The following BEND2 variants were observed in gnomAD, a reference collection of about 807,000 sequenced individuals.
BEND2 encodes BEN domain containing 2, also known as BEN domain-containing protein 2.
A neutral mutation model predicts 43.8 loss-of-function variants in BEND2; 19 were observed. The ratio of observed to expected loss-of-function variants is 0.43; its 90% CI spans 0.30 to 0.64. BEND2 has a LOEUF of 0.64. Ranked by LOEUF, BEND2 falls within the 30% of genes least tolerant of loss-of-function variation. The pLI, the probability that BEND2 is intolerant of heterozygous loss-of-function variation, is 0.11. For missense variants in BEND2, 544 were observed against 574.0 expected, an observed-to-expected ratio of 0.95 and a Z score of 0.53; for synonymous variants, 226 against 210.1, an observed-to-expected ratio of 1.08 and a Z score of -0.66.
chrX:18,214,269 T>C (rs1157190799), intron 2 of BEND2, among the ~76,000 whole-genome samples: 1 of 110,732 alleles, frequency 9.0e-6, no homozygotes, highest in Non-Finnish European at 1.9e-5. Context: ...AAATGCCAGA[T>C]ATAAAAGAGA....
At chrX:18,168,066 G>A (rs983184222) in intron 13 of BEND2, among the ~76,000 whole-genome samples, 2 of 112,431 alleles carry the variant, frequency 1.8e-5, no homozygotes, top group African/African-American at 6.5e-5. Flanking sequence ...GGCTTAAGAG[G>A]GAAAAGGTTG....
chrX:18,203,577 A>G lies in BEND2; in HGVS notation c.831T>C (p.Asn277=). Residue 277 remains asparagine, a synonymous_variant, in exon 5 of 14, where the codon AAT becomes AAC. Transcript: ENST00000380033. ...SSLANNPGVV[N]YSALPENENV... Reference sequence around the variant, plus strand: ...TTTCATTTTCTGGTAGAGCAGAGTAATTCACCACACCAGGGTTATTTGCCA... The same window carrying G: ...TTTCATTTTCTGGTAGAGCAGAGTAGTTCACCACACCAGGGTTATTTGCCA... 8.3e-7 allele frequency: 1 copy of G among 1,210,901 alleles called. No individual in the cohort carries two copies. Among genetic ancestry groups the G allele is most frequent in the East Asian group, 3.0e-5 (1 of 33,850 alleles).
chrX:18,201,984 C>T (rs912987570), intron 5 of BEND2, 44 bp from the exon 6 acceptor site: 10 of 1,141,539 alleles, frequency 8.8e-6, no homozygotes, highest in Non-Finnish European at 1.2e-5. Flanking sequence ...AAGAACTTCA[C>T]CCACAAATTC....
intron 4 of BEND2, among the ~76,000 whole-genome samples, chrX:18,204,541 A>C (rs1925270551): frequency 8.9e-6 from 1 of 112,485 alleles, no homozygotes; most frequent in Non-Finnish European, 1.9e-5. Context: ...TATTTAAAAA[A>C]TAGTAGCTCA....
At chrX:18,201,574 C>G (rs893963208) in intron 6 of BEND2, among the ~76,000 whole-genome samples, 1 of 108,046 alleles carries the variant, frequency 9.3e-6, no homozygotes, top group African/African-American at 3.4e-5. Flanking sequence ...CTCACTGCAA[C>G]CTCTGCCTCT....
At chrX:18,202,959 C>T (rs1241597943) in intron 5 of BEND2, among the ~76,000 whole-genome samples, 1 of 111,731 alleles carries the variant, frequency 9.0e-6, no homozygotes, top group Non-Finnish European at 1.9e-5. Flanking sequence ...AAAGGAACTA[C>T]TGAAACACAC....
chrX:18,169,829 T>C (rs928146223), intron 13 of BEND2, among the ~76,000 whole-genome samples: 7 of 112,232 alleles, frequency 6.2e-5, no homozygotes, highest in African/African-American at 1.9e-4. Context: ...GCAAAAGACA[T>C]CTTCCAGATT....
chrX:18,214,528 A>C (rs946099494), intron 2 of BEND2, among the ~76,000 whole-genome samples: 3 of 111,129 alleles, frequency 2.7e-5, no homozygotes, highest in Non-Finnish European at 5.7e-5. Context: ...GACTTCCATA[A>C]AAAGTTCACC....
At chrX:18,202,154 G>A (rs12689195) in intron 5 of BEND2, among the ~76,000 whole-genome samples, 17,601 of 111,220 alleles carry the variant, frequency 0.16, 1,087 homozygotes, top group East Asian at 0.34. Flanking sequence ...GAATCTTGGA[G>A]CATCAGGAAG....
intron 12 of BEND2, 30 bp downstream of exon 12, chrX:18,174,000 A>T: frequency 8.8e-7 from 1 of 1,130,464 alleles, no homozygotes; most frequent in Non-Finnish European, 1.2e-6. Context: ...AAGAGAACTT[A>T]TTTAAATATA....
At chrX:18,190,675 C>T (rs1924735809) in intron 8 of BEND2, among the ~76,000 whole-genome samples, 1 of 109,512 alleles carries the variant, frequency 9.1e-6, no homozygotes, top group South Asian at 4.0e-4. Context: ...TGTATCATGA[C>T]TAGATACAGT....
In BEND2 at chrX:18,164,626, A is replaced by T. The variant is rs1023241643; in HGVS notation, c.*383T>A. Reference sequence around the variant, plus strand: ...TATCTCACAAGTCACAAAAATAAAAAGACTTGTCAAGTTTTATACGAATTA... The same window carrying T: ...TATCTCACAAGTCACAAAAATAAAATGACTTGTCAAGTTTTATACGAATTA... On this transcript the variant is annotated 3_prime_UTR_variant, in exon 14 of 14. Transcript: ENST00000380033. The T allele has an allele frequency of 1.6e-5, 2 of 124,130 alleles. No homozygotes were observed. Among genetic ancestry groups the T allele is most frequent in the African/African-American group, 3.2e-5 (1 of 31,348 alleles). 10.2% of individuals were successfully genotyped at this position (124,130 alleles called of 1,213,427 possible). A position where few individuals can be genotyped will look rare whatever the true frequency, so the allele number is the denominator to read the frequency against.
At position 18,213,392 on chromosome X, in the gene BEND2, A is replaced by T. The variant is rs879179226; in HGVS notation, c.376+382T>A. Among the ~76,000 whole-genome samples, 3 of 111,460 alleles carry T rather than the reference A, an allele frequency of 2.7e-5. No homozygotes were observed. The Admixed American group carries it at 2.9e-4, about 11-fold the overall frequency. ...TCACAGTTACTGGGAGTGACACTTT[A>T]ATGAAAGAGCTACTTCACTTAAACC... On this transcript the variant is annotated intron_variant, in intron 3 of 13. Transcript: ENST00000380033.
chrX:18,168,682 G>C (rs1923884576), intron 13 of BEND2, among the ~76,000 whole-genome samples: 1 of 111,744 alleles, frequency 8.9e-6, no homozygotes, highest in Admixed American at 9.6e-5. Flanking sequence ...GAGCCCTTAA[G>C]TGATACTGAA....
chrX:18,219,293 G>T, intron 1 of BEND2, among the ~76,000 whole-genome samples: 1 of 112,548 alleles, frequency 8.9e-6, no homozygotes, highest in Non-Finnish European at 1.9e-5. Flanking sequence ...GGAGAGCCGG[G>T]AGGGACGCGA....
intron 9 of BEND2, among the ~76,000 whole-genome samples, 162 bp from the exon 10 acceptor site, chrX:18,177,931 T>G (rs1924235859): frequency 8.9e-6 from 1 of 112,105 alleles, no homozygotes; most frequent in African/African-American, 3.2e-5. Flanking sequence ...GGGTGAATTT[T>G]TTTTCTATGC....
chrX:18,195,188 A>G, intron 7 of BEND2, 108 bp downstream of exon 7: 2 of 941,957 alleles, frequency 2.1e-6, no homozygotes, highest in Non-Finnish European at 2.8e-6. Flanking sequence ...GAACTACCTC[A>G]ATATGAAAAG....
intron 4 of BEND2, among the ~76,000 whole-genome samples, chrX:18,212,092 C>CT (rs758303697): frequency 0.017 from 1,189 of 71,025 alleles, 34 homozygotes; most frequent in African/African-American, 0.041. Flanking sequence ...TTATTACTGT[C>CT]TTTTTTTTTT....
Position 18,163,797 on chromosome X carries a change from T to G in BEND2, c.*1212A>C, listed in dbSNP as rs953591922. 3.6e-5 allele frequency: 4 copies of G among 112,075 alleles called. No individual in the cohort carries two copies. Among genetic ancestry groups the G allele is most frequent in the Non-Finnish European group, 3.8e-5 (2 of 53,262 alleles). The allele number at this position is 112,075 out of a possible 1,213,427, so 9.2% of individuals were successfully genotyped here. A position where few individuals can be genotyped will look rare whatever the true frequency, so the allele number is the denominator to read the frequency against. On this transcript the variant is annotated 3_prime_UTR_variant, in exon 14 of 14. Coordinates refer to ENST00000380033, the MANE Select transcript of BEND2 (RefSeq NM_153346.5). The stretch of plus-strand genomic sequence containing the variant: ...TTATTTTTAATTGACAAATAATAAC[T>G]GCATGTATTTATGGGGTATGATGTG...
Sources: gnomAD v4.1 joint callset for allele counts (sites outside exome capture counted in the v4.1 genomes callset) on GRCh38, gnomAD v4.1.1 for gene constraint, MANE v1.5 for transcripts, NCBI Gene and HGNC (gene_info 2026-07-23, HGNC 2026-07-21) for gene names.